TRIM9: variants seen among roughly 807,000 people sequenced by gnomAD.
The protein encoded by TRIM9 is E3 ubiquitin-protein ligase TRIM9.
Under a neutral mutation model 78.3 loss-of-function variants are expected in TRIM9, and 26 were observed. The observed-to-expected ratio is 0.33, with a 90% CI of 0.24 to 0.46. TRIM9 has a LOEUF of 0.46. TRIM9 is among the 20% of genes least tolerant of loss of function. TRIM9 has a pLI of 1.00. For missense variants in TRIM9, 787 were observed against 1,036.4 expected (o/e 0.76, Z 3.30); for synonymous variants, 398 against 416.5 (o/e 0.96, Z 0.54).
chr14:51,001,829 A>G (rs558075127), intron 5 of TRIM9, among the ~76,000 whole-genome samples: 32 of 152,190 alleles, frequency 2.1e-4, no homozygotes, highest in African/African-American at 7.5e-4. Context: ...GGTCAAGTCT[A>G]CTCATTTTCA....
At chr14:50,993,160 T>A (rs572545753) in intron 7 of TRIM9, among the ~76,000 whole-genome samples, 2 of 152,180 alleles carry the variant, frequency 1.3e-5, no homozygotes, top group South Asian at 4.1e-4. Context: ...GCAAATCTCG[T>A]CACTGCCAGC....
At chr14:51,050,482 A>G (rs1161153399) in intron 1 of TRIM9, among the ~76,000 whole-genome samples, 1 of 152,126 alleles carries the variant, frequency 6.6e-6, no homozygotes, top group Non-Finnish European at 1.5e-5. Flanking sequence ...GAGTCCATTA[A>G]ACCCCTTTTT....
intron 7 of TRIM9, among the ~76,000 whole-genome samples, chr14:50,990,178 T>C (rs2053310218): frequency 6.6e-6 from 1 of 152,140 alleles, no homozygotes; most frequent in Non-Finnish European, 1.5e-5. Context: ...CCACTGCACC[T>C]GGCCAATTTT....
chr14:51,002,430 G>A (rs779374435), intron 5 of TRIM9, among the ~76,000 whole-genome samples: 1 of 152,010 alleles, frequency 6.6e-6, no homozygotes, highest in African/African-American at 2.4e-5. Context: ...CACCGTGCCC[G>A]GCTGGGAACC....
At chr14:50,979,922 T>C (rs2051623190) in intron 11 of TRIM9, among the ~76,000 whole-genome samples, 2 of 152,148 alleles carry the variant, frequency 1.3e-5, no homozygotes, top group African/African-American at 4.8e-5. Flanking sequence ...CATTAAAGAC[T>C]AGGAAAAAGT....
At chr14:50,979,010 C>T in intron 12 of TRIM9, 2 of 1,237,672 alleles carry the variant, frequency 1.6e-6, no homozygotes, top group Non-Finnish European at 2.0e-6. Context: ...CAGTCTTACA[C>T]CCTCACCTCT....
intron 1 of TRIM9, among the ~76,000 whole-genome samples, chr14:51,069,214 T>A (rs1339279998): frequency 6.6e-6 from 1 of 152,200 alleles, no homozygotes; most frequent in East Asian, 1.9e-4. Flanking sequence ...CCAGAGCCCA[T>A]GCAGCAGTCT....
At chr14:50,996,540 TA>T in intron 7 of TRIM9, 4 of 985,448 alleles carry the variant, frequency 4.1e-6, no homozygotes, top group Non-Finnish European at 4.8e-6. Flanking sequence ...GCAACATTGC[TA>T]CAAATTTCTC....
In TRIM9 at chr14:51,016,424, T is replaced by G. The variant is rs139662878; in HGVS notation, c.1042-5930A>C. 2.7e-3 allele frequency among the ~76,000 whole-genome samples: 413 copies of G among 152,114 alleles called. 9 individuals are homozygous for G. In the East Asian group the frequency reaches 0.032, roughly 12 times the overall value. On this transcript the variant is annotated intron_variant, in intron 3 of 12. Transcript: ENST00000684578. ...CTCCTTATGAGAATCTAATGCCTGA[T>G]GATCTGAGGTGGAACAGTTTCATCC...
Position 50,986,052 on chromosome 14 carries a change from G to A in TRIM9, c.1696C>T (p.Leu566=), listed in dbSNP as rs781466389. 6.5e-7 allele frequency: 1 copy of A among 1,550,060 alleles called. No individual in the cohort carries two copies. The highest frequency in any genetic ancestry group is 8.7e-7 in the Non-Finnish European group (1 of 1,146,690). Residue 566 remains leucine (L), a synonymous_variant, in exon 8 of 13, where the codon CTA becomes TTA. Coordinates refer to ENST00000684578, the MANE Select transcript of TRIM9 (RefSeq NM_001387360.1). ...RMSPFSSTLN[L]QPSFPGRSYF... ...GATCTCCCGGGGAAGCTGGGTTGTA[G>A]ATTAAGGGTGGAGGAGAAAGGACTC...
intron 1 of TRIM9, among the ~76,000 whole-genome samples, chr14:51,082,466 G>A (rs1046258843): frequency 1.3e-5 from 2 of 152,182 alleles, no homozygotes; most frequent in African/African-American, 4.8e-5. Flanking sequence ...CATGCTACAA[G>A]GTGGATGAAC....
intron 1 of TRIM9, among the ~76,000 whole-genome samples, chr14:51,066,558 A>G (rs1238454453): frequency 6.6e-6 from 1 of 152,166 alleles, no homozygotes; most frequent in Non-Finnish European, 1.5e-5. Context: ...CTCTTATCCC[A>G]TGGCTTCGAA....
chr14:50,997,809 A>T, intron 7 of TRIM9: 1 of 1,378,500 alleles, frequency 7.3e-7, no homozygotes, highest in Non-Finnish European at 9.4e-7. Flanking sequence ...TTAGATTGTT[A>T]TCAAAGGAAG....
In TRIM9 at chr14:51,095,095, G is replaced by A. The variant is rs1040573355; in HGVS notation, c.-156C>T. 6 of 506,020 alleles carry A rather than the reference G, an allele frequency of 1.2e-5. No homozygotes were observed. In the South Asian group the frequency reaches 5.2e-4, roughly 44 times the overall value. 31.3% of individuals were successfully genotyped at this position (506,020 alleles called of 1,614,324 possible). A position where few individuals can be genotyped will look rare whatever the true frequency, so the allele number is the denominator to read the frequency against. ...CACTGGCACGGACACCCAGAGAGGCGCTAGCTCTGTGAGCCGCAGCCGCGT... is the reference window on the plus strand; with the variant it reads ...CACTGGCACGGACACCCAGAGAGGCACTAGCTCTGTGAGCCGCAGCCGCGT... On this transcript the variant is annotated 5_prime_UTR_variant, in exon 1 of 13. Transcript: ENST00000684578.
chr14:51,049,280 G>A (rs2060200937), intron 1 of TRIM9, among the ~76,000 whole-genome samples: 1 of 152,096 alleles, frequency 6.6e-6, no homozygotes, highest in South Asian at 2.1e-4. Flanking sequence ...TGACCAGGCT[G>A]GTCTTATTTT....
intron 3 of TRIM9, among the ~76,000 whole-genome samples, chr14:51,022,153 C>T (rs1438113483): frequency 6.6e-6 from 1 of 152,172 alleles, no homozygotes; most frequent in Non-Finnish European, 1.5e-5. Flanking sequence ...TCTTCCAAAA[C>T]CCATGTTGAA....
rs71422012 is a variant in TRIM9, at chr14:51,042,672, T to G, written c.823-17312A>C. ...AGTCTCTCTTTTCCCATCCCTTACG[T>G]TGAACATCTTCTTCCTTGGGGGAAG... On this transcript the variant is annotated intron_variant, in intron 1 of 12. Transcript: ENST00000684578. Among the ~76,000 whole-genome samples the G allele has an allele frequency of 9.9e-5, 15 of 152,180 alleles. No homozygotes were observed. The East Asian group carries it at 2.9e-3, about 29-fold the overall frequency.
intron 1 of TRIM9, among the ~76,000 whole-genome samples, chr14:51,037,034 T>C (rs899113631): frequency 1.1e-4 from 16 of 152,226 alleles, no homozygotes; most frequent in African/African-American, 3.9e-4. Context: ...TTCTCCATTT[T>C]GCAAACTGTT....
chr14:51,061,194 C>T (rs1447397725), intron 1 of TRIM9, among the ~76,000 whole-genome samples: 2 of 152,112 alleles, frequency 1.3e-5, no homozygotes, highest in African/African-American at 4.8e-5. Context: ...AGGTGGATCA[C>T]CTGCGGTCAG....
Sources: gnomAD v4.1 joint callset for allele counts (sites outside exome capture counted in the v4.1 genomes callset) on GRCh38, gnomAD v4.1.1 for gene constraint, MANE v1.5 for transcripts, NCBI Gene and HGNC (gene_info 2026-07-23, HGNC 2026-07-21) for gene names.